ARID5B: variants seen among roughly 807,000 people sequenced by gnomAD.
The protein encoded by ARID5B is AT-rich interaction domain 5B.
ARID5B carries 13 observed loss-of-function variants against 97.2 expected under a neutral mutation model. That is an observed-to-expected ratio of 0.13 (90% CI 0.09 to 0.21). The LOEUF is 0.21. Ranked by LOEUF, ARID5B falls within the 10% of genes least tolerant of loss-of-function variation. The pLI, the probability that ARID5B is intolerant of heterozygous loss-of-function variation, is 1.00. For synonymous variants in ARID5B, 556 were observed against 570.3 expected (o/e 0.97, Z 0.36); for missense variants, 1,210 against 1,465.3 (o/e 0.83, Z 2.84).
chr10:62,027,251 T>TCAC, intron 4 of ARID5B, among the ~76,000 whole-genome samples: 1 of 148,106 alleles, frequency 6.8e-6, no homozygotes, highest in East Asian at 2.0e-4. Flanking sequence ...TGAAAAGTCT[T>TCAC]CACTGTAGTG....
At chr10:62,005,525 G>T (rs1014036873) in intron 4 of ARID5B, among the ~76,000 whole-genome samples, 1 of 152,128 alleles carries the variant, frequency 6.6e-6, no homozygotes, top group African/African-American at 2.4e-5. Context: ...TACTATAATA[G>T]AACTTTAATG....
chr10:62,032,895 C>G (rs1317037069), intron 4 of ARID5B, among the ~76,000 whole-genome samples: 1 of 152,056 alleles, frequency 6.6e-6, no homozygotes, highest in African/African-American at 2.4e-5. Flanking sequence ...AATTTGGTCT[C>G]CTATTTTGCC....
intron 4 of ARID5B, among the ~76,000 whole-genome samples, chr10:62,020,280 T>C: frequency 6.6e-6 from 1 of 152,324 alleles, no homozygotes; most frequent in Admixed American, 6.5e-5. Context: ...TAATGACTCA[T>C]GTGAACAATT....
intron 4 of ARID5B, among the ~76,000 whole-genome samples, chr10:62,042,914 C>A (rs1347305650): frequency 2.6e-4 from 32 of 121,272 alleles, no homozygotes; most frequent in African/African-American, 8.3e-4. Context: ...GAGTCTGTCC[C>A]AAAAAAAAAA....
intron 5 of ARID5B, among the ~76,000 whole-genome samples, chr10:62,055,087 CT>C (rs2132936570): frequency 6.6e-6 from 1 of 152,282 alleles, no homozygotes; most frequent in African/African-American, 2.4e-5. Context: ...TGGAAACCCC[CT>C]AGATTTGTCT....
intron 4 of ARID5B, among the ~76,000 whole-genome samples, chr10:62,016,550 T>G (rs2132885977): frequency 6.6e-6 from 1 of 152,330 alleles, no homozygotes; most frequent in African/African-American, 2.4e-5. Flanking sequence ...TGAGAGGCAT[T>G]AAAATAAAAC....
At chr10:62,058,820 T>C (rs1839888388) in intron 6 of ARID5B, among the ~76,000 whole-genome samples, 1 of 152,172 alleles carries the variant, frequency 6.6e-6, no homozygotes, top group South Asian at 2.1e-4. Context: ...GTGGCTGTTA[T>C]TTATTGATTA....
intron 3 of ARID5B, among the ~76,000 whole-genome samples, chr10:61,995,500 G>C (rs1348486273): frequency 2.6e-5 from 4 of 152,162 alleles, no homozygotes; most frequent in Non-Finnish European, 4.4e-5. Context: ...AGCTGTATCA[G>C]AAGGAAGTTA....
At chr10:62,059,116 A>T in intron 6 of ARID5B, 127 bp from the exon 7 acceptor site, 2 of 659,518 alleles carry the variant, frequency 3.0e-6, no homozygotes, top group Non-Finnish European at 5.0e-6. Flanking sequence ...CTAAGAACTT[A>T]GCTCTCTGGG....
At chr10:61,914,046 C>T (rs1009795021) in intron 2 of ARID5B, among the ~76,000 whole-genome samples, 1 of 152,304 alleles carries the variant, frequency 6.6e-6, no homozygotes, top group Admixed American at 6.5e-5. Flanking sequence ...CTACCGCGCC[C>T]AGCCCTGGAA....
chr10:61,957,531 A>G lies in ARID5B; in HGVS notation c.502+17123A>G, dbSNP rs188832829. ...TGATCCACCTGCCTTAGCCTCCCAC[A>G]TTGCTGGGATTACAGGCGCAAGCCA... is the stretch of plus-strand genomic sequence containing the variant. On this transcript the variant is annotated intron_variant, in intron 3 of 9. Coordinates refer to ENST00000279873, the MANE Select transcript of ARID5B (RefSeq NM_032199.3). Among the ~76,000 whole-genome samples the G allele has an allele frequency of 1.4e-4, 22 of 152,236 alleles. No homozygotes were observed. In the East Asian group the frequency reaches 3.7e-3, roughly 25 times the overall value.
chr10:61,936,166 A>G (rs555966320), intron 2 of ARID5B, among the ~76,000 whole-genome samples: 116 of 152,322 alleles, frequency 7.6e-4, no homozygotes, highest in Non-Finnish European at 1.2e-3. Flanking sequence ...TTTTCTGGCT[A>G]TATCCACATG....
At chr10:61,920,936 T>C (rs1210545229) in intron 2 of ARID5B, among the ~76,000 whole-genome samples, 1 of 152,214 alleles carries the variant, frequency 6.6e-6, no homozygotes, top group Non-Finnish European at 1.5e-5. Flanking sequence ...TAGATAGTAT[T>C]CTTAGAAATT....
chr10:62,015,775 C>G (rs528296658), intron 4 of ARID5B, among the ~76,000 whole-genome samples: 105 of 152,228 alleles, frequency 6.9e-4, no homozygotes, highest in Non-Finnish European at 1.3e-3. Context: ...AGGTGCCCAC[C>G]ACCATACCCA....
At chr10:62,075,033 A>C (rs1365449895) in intron 8 of ARID5B, among the ~76,000 whole-genome samples, 1 of 152,238 alleles carries the variant, frequency 6.6e-6, no homozygotes, top group Non-Finnish European at 1.5e-5. Context: ...TGGGAAATTT[A>C]GAAAACTCGT....
At chr10:61,991,820 G>A (rs888449685) in intron 3 of ARID5B, among the ~76,000 whole-genome samples, 4 of 152,064 alleles carry the variant, frequency 2.6e-5, no homozygotes, top group Middle Eastern at 3.4e-3. Context: ...ACCTGAAGTC[G>A]GGAGTTCGAG....
intron 2 of ARID5B, among the ~76,000 whole-genome samples, chr10:61,934,579 T>C (rs759904684): frequency 1.3e-5 from 2 of 152,018 alleles, no homozygotes; most frequent in Non-Finnish European, 2.9e-5. Context: ...ATGGAATAGG[T>C]AGGCAGGAGG....
chr10:61,909,334 T>TTTG (rs1843761952), intron 2 of ARID5B, among the ~76,000 whole-genome samples: 2 of 143,890 alleles, frequency 1.4e-5, no homozygotes, highest in African/African-American at 5.2e-5. Flanking sequence ...TTTTTTTTTT[T>TTTG]TTTTTTTTTG....
intron 3 of ARID5B, among the ~76,000 whole-genome samples, chr10:61,952,291 T>G (rs919603615): frequency 1.3e-5 from 2 of 152,254 alleles, no homozygotes; most frequent in African/African-American, 4.8e-5. Context: ...GCCTTTCGTT[T>G]AAGACTTGTT....
Sources: gnomAD v4.1 joint callset for allele counts (sites outside exome capture counted in the v4.1 genomes callset) on GRCh38, gnomAD v4.1.1 for gene constraint, MANE v1.5 for transcripts, NCBI Gene and HGNC (gene_info 2026-07-23, HGNC 2026-07-21) for gene names.